Variants in RB1 observed in about 807,000 individuals in gnomAD.
RB1 encodes the protein retinoblastoma-associated protein.
RB1 carries 18 observed loss-of-function variants against 135.4 expected under a neutral mutation model. The ratio of observed to expected loss-of-function variants is 0.13; its 90% CI spans 0.09 to 0.20. The LOEUF (loss-of-function observed/expected upper bound fraction) is 0.20, where lower values mean the gene tolerates loss of function less well. RB1 is among the 10% of genes least tolerant of loss of function. The pLI is 1.00. For synonymous variants in RB1, 365 were observed against 373.2 expected (o/e 0.98, Z 0.25); for missense variants, 868 against 1,110.0 (o/e 0.78, Z 3.10).
chr13:48,481,722 A>T lies in RB1; in HGVS notation c.*1651A>T, dbSNP rs1949539344. 1 of 230,344 alleles carries T rather than the reference A, an allele frequency of 4.3e-6. No individual in the cohort carries two copies. Among genetic ancestry groups the T allele is most frequent in the African/African-American group, 2.2e-5 (1 of 45,188 alleles). 14.3% of individuals were successfully genotyped at this position (230,344 alleles called of 1,614,324 possible). On this transcript the variant is annotated 3_prime_UTR_variant, in exon 27 of 27. Transcript: ENST00000267163. ...ACATTAGAATTAGTGCCAGAATTTT[A>T]GGAACTTCAGAGATCGTGTATTGAG... is the stretch of plus-strand genomic sequence containing the variant.
intron 2 of RB1, among the ~76,000 whole-genome samples, chr13:48,336,570 C>T (rs971574436): frequency 2.0e-5 from 3 of 151,874 alleles, no homozygotes; most frequent in African/African-American, 7.3e-5. Context: ...TTTGATTCTT[C>T]TCTCTTTTCT....
At chr13:48,430,110 C>A (rs1949114400) in intron 17 of RB1, among the ~76,000 whole-genome samples, 1 of 152,112 alleles carries the variant, frequency 6.6e-6, no homozygotes, top group Non-Finnish European at 1.5e-5. Context: ...TTCTCCACAC[C>A]TTCACCCAAA....
intron 2 of RB1, among the ~76,000 whole-genome samples, chr13:48,331,529 C>T (rs1407793575): frequency 3.9e-5 from 6 of 152,224 alleles, no homozygotes; most frequent in Middle Eastern, 3.4e-3. Context: ...TCTCACCATG[C>T]GATACCCTGC....
intron 17 of RB1, among the ~76,000 whole-genome samples, chr13:48,400,306 A>T (rs74075998): frequency 2.8e-4 from 42 of 152,230 alleles, no homozygotes; most frequent in African/African-American, 1.0e-3. Flanking sequence ...TATGAAATAG[A>T]TTCTGTCATC....
chr13:48,364,251 A>G lies in RB1; in HGVS notation c.862-643A>G, dbSNP rs193046711. On this transcript the variant is annotated intron_variant, in intron 8 of 26. Coordinates refer to ENST00000267163, the MANE Select transcript of RB1 (RefSeq NM_000321.3). ...CAAACCGTGTAGCCTACAAATACAG[A>G]AAAAATTAAGAAAAAGGCATGTCTT... Among the ~76,000 whole-genome samples, 555 of 152,304 alleles carry G rather than the reference A, an allele frequency of 3.6e-3. 7 individuals carry two copies. Among genetic ancestry groups the G allele is most frequent in the Middle Eastern group, 3.4e-3 (1 of 294 alleles).
intron 17 of RB1, among the ~76,000 whole-genome samples, chr13:48,445,461 G>A (rs1593524190): frequency 6.6e-6 from 1 of 152,152 alleles, no homozygotes; most frequent in African/African-American, 2.4e-5. Context: ...TATCCCACCC[G>A]GGTACTTTAG....
At chr13:48,362,210 T>C (rs1481108080) in intron 7 of RB1, among the ~76,000 whole-genome samples, 1 of 152,076 alleles carries the variant, frequency 6.6e-6, no homozygotes, top group Non-Finnish European at 1.5e-5. Flanking sequence ...CCTCCCAAAG[T>C]GCTAGGATTA....
chr13:48,340,589 G>GAAAAAA (rs143659593), intron 2 of RB1, among the ~76,000 whole-genome samples: 1 of 149,130 alleles, frequency 6.7e-6, no homozygotes. Context: ...GAGAGAGAGA[G>GAAAAAA]AAAAAAAAAG....
rs2138145883 is a variant in RB1 at position 48,381,452 on chromosome 13, C to T, written c.1695+9C>T. 1 of 1,612,398 alleles carries T rather than the reference C, an allele frequency of 6.2e-7. No individual in the cohort carries two copies. Among genetic ancestry groups the T allele is most frequent in the Non-Finnish European group, 8.5e-7 (1 of 1,178,850 alleles). ...CCCTTGCATGGCTCTCAGTAAGTAG[C>T]TAAATAATTGAAGAAATTCATTCAT... is the stretch of plus-strand genomic sequence containing the variant. On this transcript the variant is annotated intron_variant, in intron 17 of 26. Coordinates refer to ENST00000267163, the MANE Select transcript of RB1 (RefSeq NM_000321.3).
chr13:48,466,501 C>T (rs1034399211), intron 23 of RB1, among the ~76,000 whole-genome samples: 9 of 151,532 alleles, frequency 5.9e-5, no homozygotes, highest in Non-Finnish European at 5.9e-5. Context: ...CGCAGAGCGC[C>T]TCTCCTCCTC....
chr13:48,327,819 T>A (rs751237053), intron 2 of RB1, among the ~76,000 whole-genome samples: 19 of 152,056 alleles, frequency 1.2e-4, no homozygotes, highest in Non-Finnish European at 2.4e-4. Context: ...AAAGGTACCA[T>A]TTCTGATTTC....
chr13:48,342,490 T>A, intron 2 of RB1, 109 bp from the exon 3 acceptor site: 1 of 730,200 alleles, frequency 1.4e-6, no homozygotes, highest in South Asian at 1.6e-5. Flanking sequence ...ATTACAAACA[T>A]TTATTTTGTA....
chr13:48,319,069 G>T lies in RB1; in HGVS notation c.264+11663G>T, dbSNP rs1003600406. ...TCAGTTCAGCGGACGTGTCTGCCTGGCACGAGGACCGTTCTACAAACTCGT... is the reference window on the plus strand; with the variant it reads ...TCAGTTCAGCGGACGTGTCTGCCTGTCACGAGGACCGTTCTACAAACTCGT... On this transcript the variant is annotated intron_variant, in intron 2 of 26. Coordinates refer to ENST00000267163, the MANE Select transcript of RB1 (RefSeq NM_000321.3). The surrounding 1 kb of genome is among the most constrained non-coding windows in gnomAD (Gnocchi z 5.0). 22 of 618,280 alleles carry T rather than the reference G, an allele frequency of 3.6e-5. No homozygotes were observed. In the Admixed American group the frequency reaches 4.4e-4, roughly 12 times the overall value. 38.3% of individuals were successfully genotyped at this position (618,280 alleles called of 1,614,324 possible). A position where few individuals can be genotyped will look rare whatever the true frequency, so the allele number is the denominator to read the frequency against.
chr13:48,313,841 C>T (rs542938396), intron 2 of RB1, among the ~76,000 whole-genome samples: 7 of 151,090 alleles, frequency 4.6e-5, no homozygotes, highest in South Asian at 4.2e-4. Context: ...CTCCGCCTCC[C>T]GGGTTCATGC....
chr13:48,462,780 A>AG (rs1272161524), intron 20 of RB1, among the ~76,000 whole-genome samples: 1 of 152,222 alleles, frequency 6.6e-6, no homozygotes, highest in East Asian at 1.9e-4. Flanking sequence ...TAGTTGAGGT[A>AG]GGGGTCCAGC....
chr13:48,323,168 A>G (rs1467672942), intron 2 of RB1, among the ~76,000 whole-genome samples: 1 of 152,072 alleles, frequency 6.6e-6, no homozygotes, highest in Admixed American at 6.5e-5. Context: ...CTCTGTGGAA[A>G]GTTTCAAAAT....
intron 7 of RB1, among the ~76,000 whole-genome samples, chr13:48,361,774 T>C (rs1952642512): frequency 6.6e-6 from 1 of 152,080 alleles, no homozygotes. Context: ...TTTTTTTCCT[T>C]GTAATTTATT....
At chr13:48,357,229 G>A (rs1354333313) in intron 6 of RB1, among the ~76,000 whole-genome samples, 1 of 151,604 alleles carries the variant, frequency 6.6e-6, no homozygotes. Flanking sequence ...ATTTTCTTAT[G>A]TTGGATTGCT....
chr13:48,439,632 G>C (rs1442962249), intron 17 of RB1: 1 of 152,132 alleles, frequency 6.6e-6, no homozygotes. Flanking sequence ...TAGCCCAAAT[G>C]CTGGGAAAAA....
Sources: gnomAD v4.1 joint callset for allele counts (sites outside exome capture counted in the v4.1 genomes callset) on GRCh38, gnomAD v4.1.1 for gene constraint, Gnocchi (gnomAD v3.1) non-coding constraint, MANE v1.5 for transcripts, NCBI Gene and HGNC (gene_info 2026-07-23, HGNC 2026-07-21) for gene names.